CNTNAP2: variants seen among roughly 807,000 people sequenced by gnomAD.
The protein encoded by CNTNAP2 is contactin-associated protein-like 2.
CNTNAP2 carries 98 observed loss-of-function variants against 155.2 expected under a neutral mutation model. That is an observed-to-expected ratio of 0.63 (90% CI 0.54 to 0.75). CNTNAP2 has a LOEUF of 0.75. CNTNAP2 is among the 30% of genes least tolerant of loss of function. The probability of loss-of-function intolerance (pLI) is 0.00; values close to 1 mark genes in which losing one functional copy is unlikely to be tolerated. For synonymous variants in CNTNAP2, 651 were observed against 631.2 expected, an observed-to-expected ratio of 1.03 and a Z score of -0.47; for missense variants, 1,727 against 1,688.1, an observed-to-expected ratio of 1.02 and a Z score of -0.40.
At chr7:146,191,873 T>C (rs1798710959) in intron 1 of CNTNAP2, among the ~76,000 whole-genome samples, 1 of 152,136 alleles carries the variant, frequency 6.6e-6, no homozygotes, top group Non-Finnish European at 1.5e-5. Flanking sequence ...TAAACACACA[T>C]GCTTTACGAA....
At chr7:147,799,223 CAG>C (rs2116585768) in intron 13 of CNTNAP2, among the ~76,000 whole-genome samples, 1 of 152,200 alleles carries the variant, frequency 6.6e-6, no homozygotes, top group African/African-American at 2.4e-5. Context: ...AATATATTAG[CAG>C]AGTTTCCTTT....
intron 1 of CNTNAP2, among the ~76,000 whole-genome samples, chr7:146,507,874 T>C (rs1797407838): frequency 6.6e-6 from 1 of 152,166 alleles, no homozygotes; most frequent in Non-Finnish European, 1.5e-5. Flanking sequence ...GAAAGTCTAT[T>C]GTCGCCCTTT....
At chr7:147,647,062 C>T (rs960064841) in intron 13 of CNTNAP2, among the ~76,000 whole-genome samples, 2 of 151,280 alleles carry the variant, frequency 1.3e-5, no homozygotes, top group East Asian at 1.9e-4. Context: ...CTCACTGCAA[C>T]CTCAGCCTCC....
chr7:146,193,711 C>A (rs1798739492), intron 1 of CNTNAP2, among the ~76,000 whole-genome samples: 1 of 152,228 alleles, frequency 6.6e-6, no homozygotes, highest in African/African-American at 2.4e-5. Flanking sequence ...TATTGTCTTG[C>A]TGATTAACTT....
rs117413048 is a variant in CNTNAP2, at chr7:146,232,673, T to A, written c.97+115700T>A. 3.2e-4 allele frequency among the ~76,000 whole-genome samples: 49 copies of A among 152,292 alleles called. No individual in the cohort carries two copies. In the East Asian group the frequency reaches 7.1e-3, roughly 22 times the overall value. ...ATAGACTTGTTTGAAAACTATTCTA[T>A]CTCTCTAATAACCCTATACACTTAT... On this transcript the variant is annotated intron_variant, in intron 1 of 23. Transcript: ENST00000361727.
chr7:147,475,845 T>C (rs537074916), intron 10 of CNTNAP2, among the ~76,000 whole-genome samples: 6 of 152,320 alleles, frequency 3.9e-5, no homozygotes, highest in Admixed American at 1.3e-4. Flanking sequence ...TGATAGCTGA[T>C]TGTCTTACAT....
At chr7:146,988,261 T>C (rs1266408398) in intron 3 of CNTNAP2, among the ~76,000 whole-genome samples, 1 of 152,098 alleles carries the variant, frequency 6.6e-6, no homozygotes, top group Non-Finnish European at 1.5e-5. Flanking sequence ...ATTCTAGAAT[T>C]CAACTTACCA....
intron 9 of CNTNAP2, among the ~76,000 whole-genome samples, chr7:147,362,095 G>C (rs752301008): frequency 5.3e-5 from 8 of 152,150 alleles, no homozygotes; most frequent in Non-Finnish European, 1.0e-4. Flanking sequence ...TAACAGTGCA[G>C]GGCTCCAAGA....
At chr7:146,307,505 A>G (rs568325202) in intron 1 of CNTNAP2, among the ~76,000 whole-genome samples, 5 of 152,328 alleles carry the variant, frequency 3.3e-5, no homozygotes, top group African/African-American at 1.2e-4. Context: ...GAACCAAAAA[A>G]GAGTCAGCAT....
chr7:146,790,777 G>A (rs1369309360), intron 2 of CNTNAP2, among the ~76,000 whole-genome samples: 2 of 151,856 alleles, frequency 1.3e-5, no homozygotes, highest in African/African-American at 4.8e-5. Flanking sequence ...CACCGTGTTA[G>A]CCAGGATGGT....
chr7:146,584,134 A>T (rs773847393), intron 1 of CNTNAP2, among the ~76,000 whole-genome samples: 45 of 152,198 alleles, frequency 3.0e-4, no homozygotes, highest in Non-Finnish European at 5.3e-4. Context: ...GACTGAAATA[A>T]TTTGTTAAAT....
chr7:147,457,311 G>A (rs1797932304), intron 10 of CNTNAP2, among the ~76,000 whole-genome samples: 1 of 152,158 alleles, frequency 6.6e-6, no homozygotes, highest in South Asian at 2.1e-4. Flanking sequence ...CATCAAGAAT[G>A]TCATTTTCCT....
chr7:148,006,905 A>C (rs2116900259), intron 15 of CNTNAP2, among the ~76,000 whole-genome samples: 1 of 152,320 alleles, frequency 6.6e-6, no homozygotes, highest in East Asian at 1.9e-4. Flanking sequence ...ATTGCACTTC[A>C]TGGGAATATA....
intron 1 of CNTNAP2, among the ~76,000 whole-genome samples, chr7:146,581,454 T>C (rs192266029): frequency 2.6e-5 from 4 of 152,164 alleles, no homozygotes; most frequent in African/African-American, 9.6e-5. Context: ...ACAAATTAGG[T>C]TTAGAATTGA....
At chr7:146,280,186 G>A (rs1800228354) in intron 1 of CNTNAP2, among the ~76,000 whole-genome samples, 1 of 151,928 alleles carries the variant, frequency 6.6e-6, no homozygotes, top group African/African-American at 2.4e-5. Flanking sequence ...GACCAAATCA[G>A]GAAACTCCAA....
At position 146,328,026 on chromosome 7, in the gene CNTNAP2, T is replaced by C. The variant is rs544793235; in HGVS notation, c.97+211053T>C. Among the ~76,000 whole-genome samples the C allele has an allele frequency of 6.6e-5, 10 of 152,296 alleles. No individual in the cohort carries two copies. In the South Asian group the frequency reaches 2.1e-3, roughly 32 times the overall value. ...TGTCTTCAAAAGGCGGCCTCAACCC[T>C]TGGGCCACAGACCGGTACTGGTCCA... On this transcript the variant is annotated intron_variant, in intron 1 of 23. Transcript: ENST00000361727.
intron 1 of CNTNAP2, among the ~76,000 whole-genome samples, chr7:146,364,110 C>T (rs1795122637): frequency 6.6e-6 from 1 of 152,138 alleles, no homozygotes; most frequent in African/African-American, 2.4e-5. Flanking sequence ...AAATGTTTTA[C>T]ATATGTTATT....
intron 4 of CNTNAP2, among the ~76,000 whole-genome samples, chr7:147,087,396 C>T (rs913448871): frequency 1.3e-5 from 2 of 151,948 alleles, no homozygotes; most frequent in Admixed American, 6.6e-5. Flanking sequence ...AGTGGTCATC[C>T]CTAGCAAAGA....
intron 18 of CNTNAP2, among the ~76,000 whole-genome samples, chr7:148,183,188 G>A (rs2116706474): frequency 6.6e-6 from 1 of 152,224 alleles, no homozygotes; most frequent in East Asian, 1.9e-4. Flanking sequence ...ACTGCAGCAT[G>A]CAGGGAAACA....
Sources: gnomAD v4.1 joint callset for allele counts (sites outside exome capture counted in the v4.1 genomes callset) on GRCh38, gnomAD v4.1.1 for gene constraint, MANE v1.5 for transcripts, NCBI Gene and HGNC (gene_info 2026-07-23, HGNC 2026-07-21) for gene names.